Variants in STK33 observed in about 807,000 individuals in gnomAD.
STK33 encodes the protein serine/threonine-protein kinase 33.
A neutral mutation model predicts 58.0 loss-of-function variants in STK33; 52 were observed. The observed-to-expected ratio is 0.90, with a 90% CI of 0.72 to 1.13. The LOEUF is 1.13. STK33 is among the 50% of genes most tolerant of loss of function. The probability of loss-of-function intolerance (pLI) is 0.00; values close to 1 mark genes in which losing one functional copy is unlikely to be tolerated. For missense variants in STK33, 630 were observed against 604.2 expected (o/e 1.04, Z -0.45); for synonymous variants, 215 against 200.1 (o/e 1.07, Z -0.63).
chr11:8,449,765 A>T (rs1946034903), intron 11 of STK33, among the ~76,000 whole-genome samples: 1 of 152,156 alleles, frequency 6.6e-6, no homozygotes, highest in African/African-American at 2.4e-5. Flanking sequence ...TGTACCCTAA[A>T]ACTTAAAGTA....
intron 15 of STK33, among the ~76,000 whole-genome samples, chr11:8,398,058 C>G (rs550026565): frequency 6.6e-6 from 1 of 152,342 alleles, no homozygotes; most frequent in East Asian, 1.9e-4. Context: ...TCCAGGAGAA[C>G]TTCCCCAATC....
At chr11:8,524,826 T>C (rs1312811604) in intron 1 of STK33, among the ~76,000 whole-genome samples, 1 of 151,762 alleles carries the variant, frequency 6.6e-6, no homozygotes, top group Non-Finnish European at 1.5e-5. Context: ...GTAGATCTTA[T>C]GTTAAATATT....
At chr11:8,440,547 T>C in intron 12 of STK33, 131 bp downstream of exon 12, 1 of 677,250 alleles carries the variant, frequency 1.5e-6, no homozygotes. Flanking sequence ...AGAGAGCTTT[T>C]AGAATGATCT....
At chr11:8,343,167 C>T in the STK33 span, among the ~76,000 whole-genome samples, 74 of 152,236 alleles carry the variant, frequency 4.9e-4, no homozygotes, top group Admixed American at 1.1e-3. Flanking sequence ...CCAGTGGGAG[C>T]GTGGGTCATG....
intron 1 of STK33, among the ~76,000 whole-genome samples, chr11:8,514,215 T>C (rs1356891822): frequency 6.6e-6 from 1 of 152,242 alleles, no homozygotes; most frequent in African/African-American, 2.4e-5. Flanking sequence ...TATCCATTCA[T>C]GTGTTGACAG....
At chr11:8,463,439 G>A (rs1286562933) in intron 7 of STK33, among the ~76,000 whole-genome samples, 4 of 152,144 alleles carry the variant, frequency 2.6e-5, no homozygotes, top group Non-Finnish European at 4.4e-5. Flanking sequence ...ATGTTCACTC[G>A]CCTGCTGCTC....
At chr11:8,365,159 T>C in the STK33 span, among the ~76,000 whole-genome samples, 4 of 152,178 alleles carry the variant, frequency 2.6e-5, no homozygotes, top group African/African-American at 9.7e-5. Context: ...GAGTCAAACC[T>C]CTGGGGCCAC....
intron 14 of STK33, among the ~76,000 whole-genome samples, chr11:8,413,987 T>C (rs993106057): frequency 2.0e-5 from 3 of 152,164 alleles, no homozygotes; most frequent in Admixed American, 6.6e-5. Context: ...GGCAATTTCC[T>C]GGAACCCAAA....
At chr11:8,566,289 G>A (rs753967658) in intron 1 of STK33, among the ~76,000 whole-genome samples, 1 of 152,136 alleles carries the variant, frequency 6.6e-6, no homozygotes, top group Non-Finnish European at 1.5e-5. Flanking sequence ...CAAAACGTGA[G>A]AGTTGAGAAA....
In STK33 at chr11:8,454,773, C is replaced by A; in HGVS notation, c.757G>T (p.Asp253Tyr). 1 of 1,577,390 alleles carries A rather than the reference C, an allele frequency of 6.3e-7. No individual in the cohort carries two copies. The highest frequency in any genetic ancestry group is 2.3e-5 in the East Asian group (1 of 43,168). Reference protein sequence around the residue: ...NIMVKSSLIDDNNEINLNIKV... With the variant: ...NIMVKSSLIDYNNEINLNIKV... ...ATGTTTAAGTTTATTTCATTGTTAT[C>A]ATCAATAAGACTGCTTTTAACCATT... Residue 253 changes from aspartate (D) to tyrosine (Y), a missense_variant, in exon 10 of 16, where the codon GAT becomes TAT. Physicochemically the swap from Asp to Tyr is radical, Grantham distance 160 (BLOSUM62 -3). Coordinates refer to ENST00000687296, the MANE Select transcript of STK33 (RefSeq NM_001352389.2).
At position 8,453,948 on chromosome 11, in the gene STK33, G is replaced by C. The variant is rs1275292217; in HGVS notation, c.786+796C>G. On this transcript the variant is annotated intron_variant, in intron 10 of 15. Coordinates refer to ENST00000687296, the MANE Select transcript of STK33 (RefSeq NM_001352389.2). ...TCACAATCCAACTTAGTTCTTTGGA[G>C]AGCATCTATTCCTTCATTCATCAAA... Among the ~76,000 whole-genome samples the C allele has an allele frequency of 5.3e-5, 8 of 152,276 alleles. No individual in the cohort carries two copies. The East Asian group carries it at 1.5e-3, about 29-fold the overall frequency.
intron 1 of STK33, among the ~76,000 whole-genome samples, chr11:8,529,144 A>G (rs1954304575): frequency 6.6e-6 from 1 of 152,238 alleles, no homozygotes. Context: ...TTTCTCTGCT[A>G]CAGTCTAAAA....
At chr11:8,418,076 T>C (rs1056035856) in intron 14 of STK33, among the ~76,000 whole-genome samples, 1 of 151,554 alleles carries the variant, frequency 6.6e-6, no homozygotes, top group African/African-American at 2.4e-5. Flanking sequence ...GATATAATGC[T>C]GGCTTTTCAT....
the STK33 span, among the ~76,000 whole-genome samples, chr11:8,385,484 C>T: frequency 6.6e-6 from 1 of 152,208 alleles, no homozygotes; most frequent in Non-Finnish European, 1.5e-5. Context: ...CCGGCTCTTC[C>T]CACGGTTGGC....
At chr11:8,439,869 T>TATATATATATATATATATATATATATATA (rs1554930119) in intron 12 of STK33, among the ~76,000 whole-genome samples, 2 of 107,268 alleles carry the variant, frequency 1.9e-5, no homozygotes, top group Non-Finnish European at 1.9e-5. Flanking sequence ...TATATTATAA[T>TATATATATATATATATATATATATATATA]TATATATATA....
intron 6 of STK33, among the ~76,000 whole-genome samples, chr11:8,470,273 G>A (rs771902889): frequency 5.3e-5 from 8 of 152,200 alleles, no homozygotes; most frequent in Non-Finnish European, 1.0e-4. Flanking sequence ...TTATGTTATA[G>A]AGACAGCTAC....
intron 1 of STK33, among the ~76,000 whole-genome samples, chr11:8,508,151 A>G (rs922248518): frequency 2.6e-5 from 4 of 152,062 alleles, no homozygotes; most frequent in Admixed American, 2.0e-4. Context: ...TTGGCCTCCT[A>G]GAGTGCTGGG....
At chr11:8,483,459 G>A (rs1314207666) in intron 1 of STK33, among the ~76,000 whole-genome samples, 1 of 152,166 alleles carries the variant, frequency 6.6e-6, no homozygotes, top group Admixed American at 6.5e-5. Context: ...AGTGGGACAT[G>A]AGGCTCTTGT....
chr11:8,454,788 T>C lies in STK33; in HGVS notation c.742A>G (p.Ser248Gly), dbSNP rs577298626. 31 of 1,575,108 alleles carry C rather than the reference T, an allele frequency of 2.0e-5. No individual in the cohort carries two copies. Among genetic ancestry groups the C allele is most frequent in the African/African-American group, 4.1e-5 (3 of 73,730 alleles). Residue 248 changes from serine to glycine, a missense_variant, in exon 10 of 16, where the codon AGC becomes GGC. Coordinates refer to ENST00000687296, the MANE Select transcript of STK33 (RefSeq NM_001352389.2). ...TCATTGTTATCATCAATAAGACTGC[T>C]TTTAACCATTATATTTTCCAGTTTC... ...DLKLENIMVK[S>G]SLIDDNNEIN... is the part of the protein sequence containing the mutation.
Sources: allele counts gnomAD v4.1 joint callset (sites outside exome capture counted in the v4.1 genomes callset), GRCh38; gene constraint gnomAD v4.1.1; transcripts MANE v1.5; gene names NCBI Gene and HGNC (gene_info 2026-07-23, HGNC 2026-07-21).